Variants in MTAP observed in about 807,000 individuals in gnomAD.
The protein encoded by MTAP is S-methyl-5'-thioadenosine phosphorylase.
Under a neutral mutation model 33.6 loss-of-function variants are expected in MTAP, and 33 were observed. The ratio of observed to expected loss-of-function variants is 0.98; its 90% CI spans 0.74 to 1.31. The LOEUF is 1.31. Among genes scored for constraint, MTAP ranks in the 40% most tolerant of loss-of-function variants. The probability of loss-of-function intolerance (pLI) is 0.00; values close to 1 mark genes in which losing one functional copy is unlikely to be tolerated. For synonymous variants in MTAP, 148 were observed against 125.7 expected, an observed-to-expected ratio of 1.18 and a Z score of -1.19; for missense variants, 367 against 360.0, an observed-to-expected ratio of 1.02 and a Z score of -0.16.
At chr9:21,825,847 G>A (rs975607053) in intron 4 of MTAP, among the ~76,000 whole-genome samples, 7 of 152,102 alleles carry the variant, frequency 4.6e-5, no homozygotes, top group Admixed American at 2.6e-4. Context: ...TCAGGTGTGA[G>A]GTGATATCTT....
chr9:21,816,165 T>C (rs1430451175), intron 2 of MTAP, among the ~76,000 whole-genome samples: 3 of 152,164 alleles, frequency 2.0e-5, no homozygotes, highest in African/African-American at 7.2e-5. Context: ...ACCCTCCTTT[T>C]CAGCTAAATT....
At chr9:21,930,675 A>G (rs1293613794) in intron 1 of MTAP, 2 of 523,918 alleles carry the variant, frequency 3.8e-6, no homozygotes, top group Non-Finnish European at 6.8e-6. Flanking sequence ...GCAAATTAAC[A>G]CTTTAGCAGT....
At chr9:21,911,485 C>A (rs1404438286) in intron 1 of MTAP, among the ~76,000 whole-genome samples, 1 of 152,202 alleles carries the variant, frequency 6.6e-6, no homozygotes, top group Non-Finnish European at 1.5e-5. Flanking sequence ...TCACACAAAA[C>A]CGCTCAACTA....
rs749740005 is a variant in MTAP at position 21,882,226 on chromosome 9, A to T, written c.147+27356A>T. ...TTGAAAACTTAAACACAAGACGAAC[A>T]ACTGTAAAGGAAGGAAAACCTTTTT... On this transcript the variant is annotated intron_variant, in intron 1 of 1. Transcript: ENST00000577563. Among the ~76,000 whole-genome samples the T allele has an allele frequency of 1.1e-3, 169 of 152,086 alleles. 3 individuals are homozygous for T. The highest frequency in any genetic ancestry group is 2.3e-3 in the Non-Finnish European group (153 of 67,868).
At chr9:21,844,247 C>T (rs1587238912) in intron 5 of MTAP, among the ~76,000 whole-genome samples, 1 of 152,146 alleles carries the variant, frequency 6.6e-6, no homozygotes, top group East Asian at 1.9e-4. Context: ...TAAAAAATTG[C>T]CAACAAAGAA....
chr9:21,931,509 A>G (rs1818958504), downstream of MTAP: 1 of 227,006 alleles, frequency 4.4e-6, no homozygotes, highest in Non-Finnish European at 8.5e-6. Context: ...GCTGGTGATC[A>G]GCAGCTTCCT....
chr9:21,841,290 A>G (rs1041873836), intron 5 of MTAP, among the ~76,000 whole-genome samples: 7 of 152,236 alleles, frequency 4.6e-5, no homozygotes, highest in African/African-American at 1.7e-4. Flanking sequence ...TGCTCTCTTG[A>G]AAGTGCCACC....
chr9:21,940,726 G>T (rs1188698207), downstream of MTAP, among the ~76,000 whole-genome samples: 2 of 152,132 alleles, frequency 1.3e-5, no homozygotes, highest in Non-Finnish European at 2.9e-5. Flanking sequence ...GCAAGGTATG[G>T]GGGCTCTTTC....
At chr9:21,920,687 ATAAT>A (rs1285227638) in intron 1 of MTAP, among the ~76,000 whole-genome samples, 2 of 152,212 alleles carry the variant, frequency 1.3e-5, no homozygotes, top group Non-Finnish European at 2.9e-5. Context: ...ACTTGATTAA[ATAAT>A]TATTAAGTGG....
downstream of MTAP, chr9:21,931,290 G>T: frequency 5.1e-6 from 3 of 584,452 alleles, no homozygotes; most frequent in Non-Finnish European, 9.2e-6. Flanking sequence ...GTTTCCCAAA[G>T]AATTGGGTCA....
chr9:21,812,260 C>A, intron 1 of MTAP: 1 of 232,374 alleles, frequency 4.3e-6, no homozygotes, highest in Non-Finnish European at 8.8e-6. Flanking sequence ...CTCATGGCTG[C>A]AGACACCAGG....
chr9:21,914,036 A>G (rs1563868879), intron 1 of MTAP, among the ~76,000 whole-genome samples: 1 of 152,266 alleles, frequency 6.6e-6, no homozygotes, highest in South Asian at 2.1e-4. Context: ...AAAAATGCTC[A>G]TCATCACTGG....
At chr9:21,848,984 C>T (rs1402481082) in intron 5 of MTAP, among the ~76,000 whole-genome samples, 4 of 152,182 alleles carry the variant, frequency 2.6e-5, no homozygotes, top group Non-Finnish European at 4.4e-5. Context: ...TAATTAATCA[C>T]AGCATTCCTA....
In MTAP at chr9:21,864,892, C is replaced by T. The variant is rs895664321; in HGVS notation, c.*2878C>T. 1.0e-6 allele frequency: 1 copy of T among 985,470 alleles called. No individual in the cohort carries two copies. Among genetic ancestry groups the T allele is most frequent in the African/African-American group, 1.7e-5 (1 of 57,376 alleles). 61.0% of individuals were successfully genotyped at this position (985,470 alleles called of 1,614,324 possible). A position where few individuals can be genotyped will look rare whatever the true frequency, so the allele number is the denominator to read the frequency against. On this transcript the variant is annotated 3_prime_UTR_variant, in exon 8 of 8. Coordinates refer to ENST00000644715, the MANE Select transcript of MTAP (RefSeq NM_002451.4). ...GGGCATGGTTGTGGCCCCACCAACA[C>T]CTATTTTCCAAATAATTATTCATTC...
intron 4 of MTAP, among the ~76,000 whole-genome samples, chr9:21,835,579 G>A (rs188153118): frequency 2.7e-4 from 41 of 152,260 alleles, no homozygotes; most frequent in African/African-American, 8.4e-4. Flanking sequence ...ACTTTGTGGG[G>A]TGTGATCGGC....
Position 21,820,385 on chromosome 9 carries a change from T to A in MTAP, c.347+2183T>A, listed in dbSNP as rs1824602295. 2.0e-5 allele frequency among the ~76,000 whole-genome samples: 3 copies of A among 152,262 alleles called. No homozygotes were observed. In the South Asian group the frequency reaches 6.2e-4, roughly 31 times the overall value. ...TGGCTAGCCAGTTTTCCCAGCACCATTTATGAAATAGGGAATCCTTTCCCC... is the reference window on the plus strand; with the variant it reads ...TGGCTAGCCAGTTTTCCCAGCACCAATTATGAAATAGGGAATCCTTTCCCC... On this transcript the variant is annotated intron_variant, in intron 4 of 7. Transcript: ENST00000644715.
intron 1 of MTAP, among the ~76,000 whole-genome samples, chr9:21,895,754 G>A (rs1187108616): frequency 1.3e-5 from 2 of 152,212 alleles, no homozygotes; most frequent in Admixed American, 1.3e-4. Context: ...CGGCAGCGAG[G>A]CTGGGGGAGG....
intron 1 of MTAP, among the ~76,000 whole-genome samples, chr9:21,807,125 T>C (rs1354677597): frequency 6.6e-6 from 1 of 152,140 alleles, no homozygotes. Flanking sequence ...GACTGCGCCA[T>C]TGCACTCCAG....
chr9:21,850,824 CA>C (rs1053354032), intron 5 of MTAP, among the ~76,000 whole-genome samples: 1 of 152,140 alleles, frequency 6.6e-6, no homozygotes, highest in Non-Finnish European at 1.5e-5. Context: ...ATTCAGTTAT[CA>C]AATGGAAATG....
Sources: gnomAD v4.1 joint callset for allele counts (sites outside exome capture counted in the v4.1 genomes callset) on GRCh38, gnomAD v4.1.1 for gene constraint, MANE v1.5 for transcripts, NCBI Gene and HGNC (gene_info 2026-07-23, HGNC 2026-07-21) for gene names.